MYO3A: variants seen among roughly 807,000 people sequenced by gnomAD.
MYO3A encodes myosin-IIIa.
MYO3A carries 180 observed loss-of-function variants against 192.7 expected under a neutral mutation model. That is an observed-to-expected ratio of 0.93 (90% confidence interval 0.83 to 1.06). The LOEUF is 1.06. Ranked by LOEUF, MYO3A falls within the 50% of genes least tolerant of loss-of-function variation. The pLI is 0.00. For synonymous variants in MYO3A, 628 were observed against 645.3 expected, an observed-to-expected ratio of 0.97 and a Z score of 0.41; for missense variants, 1,896 against 1,905.0, an observed-to-expected ratio of 1.00 and a Z score of 0.09.
At position 26,068,834 on chromosome 10, in the gene MYO3A, A is replaced by G; in HGVS notation, c.1120A>G (p.Ile374Val). 1 of 1,601,594 alleles carries G rather than the reference A, an allele frequency of 6.2e-7. No homozygotes were observed. Among genetic ancestry groups the G allele is most frequent in the Non-Finnish European group, 8.6e-7 (1 of 1,168,742 alleles). Residue 374 changes from isoleucine to valine, a missense_variant, in exon 12 of 35, where the codon ATA (isoleucine) becomes GTA (valine). Physicochemically the swap from Ile to Val is conservative, Grantham distance 29. Coordinates refer to ENST00000642920, the MANE Select transcript of MYO3A (RefSeq NM_017433.5). ...RDQIYVYVGD[I>V]LIALNPFQSL... is the part of the protein sequence containing the mutation. ...TCAGATCTACGTCTATGTGGGAGAC[A>G]TACTCATTGCTCTTAACCCTTTTCA... is the stretch of plus-strand genomic sequence containing the variant.
At chr10:26,083,829 A>G (rs918031675) in intron 14 of MYO3A, among the ~76,000 whole-genome samples, 1 of 152,218 alleles carries the variant, frequency 6.6e-6, no homozygotes, top group Non-Finnish European at 1.5e-5. Flanking sequence ...TTTGCTTAAT[A>G]TTGCTTTTCT....
In MYO3A at chr10:26,119,699, T is replaced by C. The variant is rs79674012; in HGVS notation, c.1777-977T>C. Among the ~76,000 whole-genome samples, 457 of 152,278 alleles carry C rather than the reference T, an allele frequency of 3.0e-3. 11 individuals are homozygous for C. Among genetic ancestry groups the C allele is most frequent in the East Asian group, 0.022 (116 of 5,190 alleles). On this transcript the variant is annotated intron_variant, in intron 17 of 34. Transcript: ENST00000642920. ...GTACTTCACTGCACCATGAACATAG[T>C]TGAAGAGCTAGAATTACCATAGACT...
chr10:26,168,837 G>A lies in MYO3A; in HGVS notation c.3237G>A (p.Gln1079=), dbSNP rs1841900377. ...FLCSRRYQKI[Q]EKRKESAIII... is the part of the protein sequence containing the mutation. Reference sequence around the variant, plus strand: ...GTTCAAGAAGATACCAAAAAATACAGGAGAAAAGGAAAGAAAGCGCTATAA... The same window carrying A: ...GTTCAAGAAGATACCAAAAAATACAAGAGAAAAGGAAAGAAAGCGCTATAA... Residue 1079 remains glutamine (Q), a synonymous_variant, in exon 28 of 35, where the codon CAG becomes CAA. Coordinates refer to ENST00000642920, the MANE Select transcript of MYO3A (RefSeq NM_017433.5). The A allele has an allele frequency of 1.2e-6, 2 of 1,612,350 alleles. No homozygotes were observed. The highest frequency in any genetic ancestry group is 8.5e-7 in the Non-Finnish European group (1 of 1,179,454).
rs3834403 is a variant in MYO3A, at chr10:26,070,271, T to TA, written c.1276-45dup. ...ACCTCTTAGTTACTTAAATGTCACT[T>TA]AATTTTGAGGATAAGGTCTTCTCAC... On this transcript the variant is annotated intron_variant, in intron 13 of 34. Coordinates refer to ENST00000642920, the MANE Select transcript of MYO3A (RefSeq NM_017433.5). The TA allele has an allele frequency of 0.52, 837,894 of 1,601,784 alleles. 224,371 individuals are homozygous for TA. The highest frequency in any genetic ancestry group is 0.56 in the Middle Eastern group (3,365 of 6,026).
chr10:26,052,411 G>C (rs750067875), intron 10 of MYO3A, among the ~76,000 whole-genome samples: 1 of 152,206 alleles, frequency 6.6e-6, no homozygotes, highest in Admixed American at 6.5e-5. Context: ...TCCAGGTATT[G>C]AGCGTTGATC....
At chr10:26,105,121 G>A (rs998176792) in intron 17 of MYO3A, among the ~76,000 whole-genome samples, 3 of 152,140 alleles carry the variant, frequency 2.0e-5, no homozygotes, top group East Asian at 1.9e-4. Context: ...AGCCATGACT[G>A]GGCATATAAC....
At chr10:26,025,612 A>G (rs1447069443) in intron 9 of MYO3A, among the ~76,000 whole-genome samples, 2 of 152,114 alleles carry the variant, frequency 1.3e-5, no homozygotes, top group Admixed American at 6.5e-5. Flanking sequence ...GATTCCACCA[A>G]CCAATTCTAG....
At chr10:25,973,733 C>T (rs1466945899) in intron 4 of MYO3A, among the ~76,000 whole-genome samples, 1 of 151,788 alleles carries the variant, frequency 6.6e-6, no homozygotes, top group Non-Finnish European at 1.5e-5. Context: ...GTATGGGTAC[C>T]AAAACAGACA....
Position 26,143,473 on chromosome 10 carries a change from A to T in MYO3A, c.2288A>T (p.Asp763Val). The T allele has an allele frequency of 6.2e-7, 1 of 1,612,844 alleles. No homozygotes were observed. The highest frequency in any genetic ancestry group is 8.5e-7 in the Non-Finnish European group (1 of 1,178,914). ...AATGAATACCTAAATGAAGATGTGG[A>T]TGCTAGAGTTATTGAATATGAGGAT... The part of the protein sequence containing the change: ...EQNEYLNEDV[D>V]ARVIEYEDNW... The change falls in exon 21 of 35, where the codon GAT becomes GTT. Residue 763 changes from aspartate (D) to valine (V), a missense_variant. By Grantham distance (152) the Asp-to-Val change is radical. Coordinates refer to ENST00000642920, the MANE Select transcript of MYO3A (RefSeq NM_017433.5).
rs759089823 is a variant in MYO3A at position 26,170,368 on chromosome 10, C to A, written c.3275-48C>A. 3.8e-6 allele frequency: 6 copies of A among 1,595,664 alleles called. No homozygotes were observed. The South Asian group carries it at 4.5e-5, about 12-fold the overall frequency. On this transcript the variant is annotated intron_variant, in intron 28 of 34. Transcript: ENST00000642920. ...CATTTCTACTCTTTAAAGTAAATTTCTTTTATTTGTTTATAATTAACACTA... is the reference window on the plus strand; with the variant it reads ...CATTTCTACTCTTTAAAGTAAATTTATTTTATTTGTTTATAATTAACACTA...
chr10:26,081,146 G>T lies in MYO3A; in HGVS notation c.1360-7057G>T, dbSNP rs2368123. ...ATTATATGCCCTTCCCCCCCCCCCC[G>T]CCCCCGCTACCAGGGTGGGTAGGGA... On this transcript the variant is annotated intron_variant, in intron 14 of 34. Transcript: ENST00000642920. 1.4e-3 allele frequency among the ~76,000 whole-genome samples: 96 copies of T among 70,764 alleles called. 6 individuals are homozygous for T. Among genetic ancestry groups the T allele is most frequent in the African/African-American group, 4.8e-3 (92 of 19,112 alleles). 46.4% of individuals were successfully genotyped at this position (70,764 alleles called of 152,430 possible). A position where few individuals can be genotyped will look rare whatever the true frequency, so the allele number is the denominator to read the frequency against.
chr10:26,104,904 G>A (rs7913733), intron 17 of MYO3A, among the ~76,000 whole-genome samples: 72,782 of 151,102 alleles, frequency 0.48, 18,181 homozygotes, highest in Middle Eastern at 0.59. Flanking sequence ...CACCCATGCA[G>A]ATGTTGACAC....
chr10:26,190,527 C>T (rs1023309597), intron 31 of MYO3A, among the ~76,000 whole-genome samples: 20 of 152,090 alleles, frequency 1.3e-4, no homozygotes, highest in African/African-American at 4.6e-4. Context: ...TTGCCAGGAC[C>T]TGAGGAGAGG....
intron 20 of MYO3A, 59 bp downstream of exon 20, chr10:26,128,597 A>G (rs1589005354): frequency 1.3e-6 from 2 of 1,520,220 alleles, no homozygotes; most frequent in East Asian, 2.3e-5. Flanking sequence ...GCAGACTTGT[A>G]CAAATGAAGC....
At chr10:26,120,826 A>G (rs770762796) in intron 18 of MYO3A, 24 bp downstream of exon 18, 1 of 1,613,380 alleles carries the variant, frequency 6.2e-7, no homozygotes, top group South Asian at 1.1e-5. Flanking sequence ...CCTTCTATTC[A>G]AAACTGAAAT....
chr10:25,965,280 A>G (rs1838189346), intron 4 of MYO3A, among the ~76,000 whole-genome samples: 1 of 152,050 alleles, frequency 6.6e-6, no homozygotes, highest in African/African-American at 2.4e-5. Flanking sequence ...TGGGTCTTTT[A>G]CTTCATGGCG....
At chr10:26,013,560 T>G (rs1841803964) in intron 6 of MYO3A, among the ~76,000 whole-genome samples, 2 of 152,012 alleles carry the variant, frequency 1.3e-5, no homozygotes, top group African/African-American at 4.8e-5. Flanking sequence ...AAAACCACAA[T>G]GAGATATACT....
At chr10:25,940,968 A>C (rs946178628) in intron 2 of MYO3A, among the ~76,000 whole-genome samples, 5 of 152,058 alleles carry the variant, frequency 3.3e-5, no homozygotes, top group African/African-American at 1.2e-4. Flanking sequence ...TATTTTGGAA[A>C]CTTCTCAGTC....
At chr10:26,065,211 A>G (rs1393784078) in intron 10 of MYO3A, among the ~76,000 whole-genome samples, 2 of 152,206 alleles carry the variant, frequency 1.3e-5, no homozygotes, top group Non-Finnish European at 2.9e-5. Flanking sequence ...AAAATTGACC[A>G]TTGGATTTAG....
Sources: gnomAD v4.1 joint callset for allele counts (sites outside exome capture counted in the v4.1 genomes callset) on GRCh38, gnomAD v4.1.1 for gene constraint, MANE v1.5 for transcripts, NCBI Gene and HGNC (gene_info 2026-07-23, HGNC 2026-07-21) for gene names.